RHBDD2: variants seen among roughly 807,000 people sequenced by gnomAD.
RHBDD2 encodes rhomboid domain containing 2, also known as rhomboid domain-containing protein 2.
A neutral mutation model predicts 21.7 loss-of-function variants in RHBDD2; 13 were observed. The ratio of observed to expected loss-of-function variants is 0.60; its 90% CI spans 0.39 to 0.95. The LOEUF (loss-of-function observed/expected upper bound fraction) is 0.95, where lower values mean the gene tolerates loss of function less well. RHBDD2 is among the 40% of genes least tolerant of loss of function. The probability of loss-of-function intolerance (pLI) is 0.00; values close to 1 mark genes in which losing one functional copy is unlikely to be tolerated. For missense variants in RHBDD2, 473 were observed against 478.9 expected (o/e 0.99, Z 0.11); for synonymous variants, 225 against 220.0 (o/e 1.02, Z -0.20).
Position 75,882,203 on chromosome 7 carries a change from A to G in RHBDD2, c.553A>G (p.Ser185Gly), listed in dbSNP as rs781980649. ...GCTCATTCCCCAGACCTCTTTCCTC[A>G]GTAATGTCTGCGGGCTGTCCATCGG... ...SWLIPQTSFL[S>G]NVCGLSIGLA... Residue 185 changes from serine (S) to glycine (G), a missense_variant, in exon 2 of 4, where the codon AGT becomes GGT. Coordinates refer to ENST00000006777, the MANE Select transcript of RHBDD2 (RefSeq NM_001040456.3). The G allele has an allele frequency of 3.7e-6, 6 of 1,613,878 alleles. No individual in the cohort carries two copies. In the Admixed American group the frequency reaches 5.0e-5, roughly 13 times the overall value.
chr7:75,883,422 G>T (rs1563377676), intron 2 of RHBDD2: 2 of 223,652 alleles, frequency 8.9e-6, no homozygotes, highest in Non-Finnish European at 1.8e-5. Flanking sequence ...TGGAGGCTGA[G>T]GCAGGAGAAT....
intron 3 of RHBDD2, 51 bp downstream of exon 3, chr7:75,883,899 T>A (rs988051513): frequency 4.8e-5 from 70 of 1,455,642 alleles, no homozygotes; most frequent in Middle Eastern, 4.4e-4. Context: ...AAAAAAAAAT[T>A]ATTTTTTTTT....
At chr7:75,882,361 C>T in intron 2 of RHBDD2, 125 bp downstream of exon 2, 2 of 905,282 alleles carry the variant, frequency 2.2e-6, no homozygotes, top group Non-Finnish European at 3.2e-6. Context: ...GAGTCTCTGT[C>T]ACCCAGGCTG....
Position 75,883,488 on chromosome 7 carries a change from A to G in RHBDD2, c.587-210A>G, listed in dbSNP as rs576873918. On this transcript the variant is annotated intron_variant, in intron 2 of 3. Transcript: ENST00000006777. ...AGCCAAGATCACACCACTGCACTCC[A>G]GCCTGGGCTGCTAGAGTGAGACTCC... 135 of 429,964 alleles carry G rather than the reference A, an allele frequency of 3.1e-4. 2 individuals carry two copies. The South Asian group carries it at 3.8e-3, about 12-fold the overall frequency. 26.6% of individuals were successfully genotyped at this position (429,964 alleles called of 1,614,324 possible).
chr7:75,882,691 CACTG>C (rs1585057090), intron 2 of RHBDD2, among the ~76,000 whole-genome samples: 1 of 151,922 alleles, frequency 6.6e-6, no homozygotes, highest in South Asian at 2.1e-4. Context: ...TTATGCTAGA[CACTG>C]AATGCTGTAT....
intron 1 of RHBDD2, among the ~76,000 whole-genome samples, chr7:75,880,626 T>C (rs192945576): frequency 6.6e-6 from 1 of 152,298 alleles, no homozygotes; most frequent in Non-Finnish European, 1.5e-5. Context: ...CTCCAAGTCT[T>C]TAGACTCCCA....
At chr7:75,883,533 A>C in intron 2 of RHBDD2, 165 bp from the exon 3 acceptor site, 1 of 586,614 alleles carries the variant, frequency 1.7e-6, no homozygotes, top group South Asian at 2.3e-5. Context: ...AAAAAAACAA[A>C]CCTTTGGCTC....
rs373356968 is a variant in RHBDD2 at position 75,888,070 on chromosome 7, G to A, written c.816G>A (p.Thr272=). ...HLSPSHPVSQ[T]QHASGQKLAS... is the part of the protein sequence containing the mutation. ...CCCCAAGCCACCCTGTGTCCCAGACGCAGCACGCCAGTGGTCAGAAGCTGG... is the reference window on the plus strand; with the variant it reads ...CCCCAAGCCACCCTGTGTCCCAGACACAGCACGCCAGTGGTCAGAAGCTGG... Residue 272 remains threonine (T), a synonymous_variant, in exon 4 of 4, where the codon ACG becomes ACA. Transcript: ENST00000006777. 7.7e-4 allele frequency: 1,242 copies of A among 1,613,586 alleles called. No homozygotes were observed. Among genetic ancestry groups the A allele is most frequent in the Non-Finnish European group, 1.0e-3 (1,175 of 1,180,034 alleles).
Position 75,888,294 on chromosome 7 carries a change from T to G in RHBDD2, c.1040T>G (p.Leu347Trp). Residue 347 changes from leucine to tryptophan, a missense_variant, in exon 4 of 4, where the codon TTG (leucine) becomes TGG (tryptophan). Physicochemically the swap from Leu to Trp is moderately conservative, Grantham distance 61. Coordinates refer to ENST00000006777, the MANE Select transcript of RHBDD2 (RefSeq NM_001040456.3). ...CCTGGCACGGTGTATTCTGGGGCCT[T>G]GGGCACACCAGGGGCTGCAGGCTCC... Reference protein sequence around the residue: ...NSPGTVYSGALGTPGAAGSKE... With the variant: ...NSPGTVYSGAWGTPGAAGSKE... 1 of 1,613,204 alleles carries G rather than the reference T, an allele frequency of 6.2e-7. No homozygotes were observed. Among genetic ancestry groups the G allele is most frequent in the Non-Finnish European group, 8.5e-7 (1 of 1,179,924 alleles).
intron 3 of RHBDD2, 33 bp from the exon 4 acceptor site, chr7:75,887,959 T>A: frequency 3.2e-6 from 5 of 1,578,644 alleles, no homozygotes; most frequent in Non-Finnish European, 4.3e-6. Flanking sequence ...CAAGACTCGC[T>A]GAAGGACCAT....
Position 75,881,893 on chromosome 7 carries a change from C to G in RHBDD2, c.243C>G (p.Ile81Met). 6.2e-7 allele frequency: 1 copy of G among 1,614,168 alleles called. No individual in the cohort carries two copies. The highest frequency in any genetic ancestry group is 1.7e-5 in the Admixed American group (1 of 60,022). ...CCATCTCCCTGCTCTGCGGCGCTAT[C>G]ATCATCTGGCGCTTTGCTGGCAATT... is the stretch of plus-strand genomic sequence containing the variant. ...ENPISLLCGA[I>M]IIWRFAGNFE... The change falls in exon 2 of 4, where the codon ATC becomes ATG. Residue 81 changes from isoleucine to methionine, a missense_variant. Transcript: ENST00000006777.
chr7:75,884,927 A>G (rs1374874392), intron 3 of RHBDD2, among the ~76,000 whole-genome samples: 1 of 152,176 alleles, frequency 6.6e-6, no homozygotes, highest in African/African-American at 2.4e-5. Context: ...GAGCCTGGCC[A>G]ACGTGATGAA....
At position 75,888,191 on chromosome 7, in the gene RHBDD2, A is replaced by G. The variant is rs781987815; in HGVS notation, c.937A>G (p.Asn313Asp). ...CTATGTGCAGAACCACTTTGGTCCA[A>G]ACCCCACCTCCTCCAGTGTCTACCC... ...LCYVQNHFGP[N>D]PTSSSVYPAS... Residue 313 changes from asparagine to aspartate, a missense_variant, in exon 4 of 4, where the codon AAC becomes GAC. Physicochemically the swap from Asn to Asp is conservative, Grantham distance 23. Coordinates refer to ENST00000006777, the MANE Select transcript of RHBDD2 (RefSeq NM_001040456.3). The G allele has an allele frequency of 1.5e-5, 24 of 1,613,550 alleles. No homozygotes were observed. The highest frequency in any genetic ancestry group is 1.9e-5 in the Non-Finnish European group (23 of 1,179,982).
chr7:75,888,399 A>G lies in RHBDD2; in HGVS notation c.*50A>G. 6.9e-7 allele frequency: 1 copy of G among 1,458,120 alleles called. No homozygotes were observed. The highest frequency in any genetic ancestry group is 9.4e-7 in the Non-Finnish European group (1 of 1,059,838). 90.3% of individuals were successfully genotyped at this position (1,458,120 alleles called of 1,614,324 possible). A position where few individuals can be genotyped will look rare whatever the true frequency, so the allele number is the denominator to read the frequency against. ...ACTTGGCCTTCTGAAGGTCCTCCCT[A>G]AGAGTCTCCTGACAAAAGTTACTTA... On this transcript the variant is annotated 3_prime_UTR_variant, in exon 4 of 4. Transcript: ENST00000006777.
In RHBDD2 at chr7:75,888,609, C is replaced by T; in HGVS notation, c.*260C>T. 1 of 469,972 alleles carries T rather than the reference C, an allele frequency of 2.1e-6. No individual in the cohort carries two copies. Among genetic ancestry groups the T allele is most frequent in the Non-Finnish European group, 3.8e-6 (1 of 261,728 alleles). 29.1% of individuals were successfully genotyped at this position (469,972 alleles called of 1,614,324 possible). On this transcript the variant is annotated 3_prime_UTR_variant, in exon 4 of 4. Coordinates refer to ENST00000006777, the MANE Select transcript of RHBDD2 (RefSeq NM_001040456.3). Reference sequence around the variant, plus strand: ...CTCTTTAGTAACACGGACAAGGCTCCTCGCCAAGGAACTCGTGGCAGAAGA... The same window carrying T: ...CTCTTTAGTAACACGGACAAGGCTCTTCGCCAAGGAACTCGTGGCAGAAGA...
At chr7:75,882,286 C>A in intron 2 of RHBDD2, 50 bp downstream of exon 2, 6 of 1,510,494 alleles carry the variant, frequency 4.0e-6, no homozygotes, top group South Asian at 1.3e-5. Context: ...AAAGGGTGAA[C>A]CAGGCTGGAG....
At chr7:75,887,696 G>A (rs1238095678) in intron 3 of RHBDD2, among the ~76,000 whole-genome samples, 2 of 152,000 alleles carry the variant, frequency 1.3e-5, no homozygotes, top group Admixed American at 6.6e-5. Context: ...TGGTCCCAAC[G>A]CTCCATCTGG....
chr7:75,887,630 C>G (rs973123217), intron 3 of RHBDD2, among the ~76,000 whole-genome samples: 10 of 152,040 alleles, frequency 6.6e-5, no homozygotes, highest in Non-Finnish European at 1.5e-4. Context: ...AGCCTGAATC[C>G]GTTCTCTTTG....
Position 75,888,397 on chromosome 7 carries a change from C to G in RHBDD2, c.*48C>G. Reference sequence around the variant, plus strand: ...TCACTTGGCCTTCTGAAGGTCCTCCCTAAGAGTCTCCTGACAAAAGTTACT... The same window carrying G: ...TCACTTGGCCTTCTGAAGGTCCTCCGTAAGAGTCTCCTGACAAAAGTTACT... On this transcript the variant is annotated 3_prime_UTR_variant, in exon 4 of 4. Transcript: ENST00000006777. 2 of 1,466,628 alleles carry G rather than the reference C, an allele frequency of 1.4e-6. No individual in the cohort carries two copies. Among genetic ancestry groups the G allele is most frequent in the Non-Finnish European group, 1.9e-6 (2 of 1,066,940 alleles). 90.9% of individuals were successfully genotyped at this position (1,466,628 alleles called of 1,614,324 possible). A position where few individuals can be genotyped will look rare whatever the true frequency, so the allele number is the denominator to read the frequency against.
Sources: allele counts gnomAD v4.1 joint callset (sites outside exome capture counted in the v4.1 genomes callset), GRCh38; gene constraint gnomAD v4.1.1; transcripts MANE v1.5; gene names NCBI Gene and HGNC (gene_info 2026-07-23, HGNC 2026-07-21).